Variants in KCNQ4 observed in about 807,000 individuals in gnomAD.
KCNQ4 encodes the protein potassium voltage-gated channel subfamily Q member 4.
KCNQ4 carries 31 observed loss-of-function variants against 72.6 expected under a neutral mutation model. That is an observed-to-expected ratio of 0.43 (90% confidence interval 0.32 to 0.58). The LOEUF is 0.58. Among genes scored for constraint, KCNQ4 ranks in the 20% least tolerant of loss-of-function variants. The pLI is 0.08. For synonymous variants in KCNQ4, 405 were observed against 403.7 expected, an observed-to-expected ratio of 1.00 and a Z score of -0.04; for missense variants, 869 against 962.6, an observed-to-expected ratio of 0.90 and a Z score of 1.29.
rs551769862 is a variant in KCNQ4 at position 40,784,804 on chromosome 1, G to T, written c.314+397G>T. Among the ~76,000 whole-genome samples the T allele has an allele frequency of 6.6e-6, 1 of 152,204 alleles. No homozygotes were observed. Among genetic ancestry groups the T allele is most frequent in the African/African-American group, 2.4e-5 (1 of 41,544 alleles). ...CTCCCTGTGTCCCAGACACAAAGAG[G>T]AACCCTTGGCTCCCACACGCTTCTG... On this transcript the variant is annotated intron_variant, in intron 1 of 13. Coordinates refer to ENST00000347132, the MANE Select transcript of KCNQ4 (RefSeq NM_004700.4). This position sits in a 1 kb window ranked among gnomAD's most constrained non-coding sequence, Gnocchi z 4.1.
chr1:40,814,264 G>C (rs1050740832), intron 1 of KCNQ4, among the ~76,000 whole-genome samples: 41 of 149,860 alleles, frequency 2.7e-4, no homozygotes, highest in African/African-American at 9.6e-4. Flanking sequence ...ATGTTGGCCA[G>C]GCTGGTCTGT....
At chr1:40,803,790 GTT>G (rs945751023) in intron 1 of KCNQ4, among the ~76,000 whole-genome samples, 10 of 152,202 alleles carry the variant, frequency 6.6e-5, no homozygotes, top group Admixed American at 1.3e-4. Context: ...TGGCCTGTGA[GTT>G]TGCATGCTGC....
At chr1:40,802,238 G>A (rs1373854741) in intron 1 of KCNQ4, among the ~76,000 whole-genome samples, 1 of 152,144 alleles carries the variant, frequency 6.6e-6, no homozygotes, top group African/African-American at 2.4e-5. Context: ...GGTGCTGTGA[G>A]GTGGAAGGGC....
chr1:40,838,074 C>CG (rs989571944), intron 13 of KCNQ4, among the ~76,000 whole-genome samples: 1 of 152,042 alleles, frequency 6.6e-6, no homozygotes, highest in Admixed American at 6.6e-5. Context: ...TCTCAGTTGT[C>CG]GCTGTAGCTC....
chr1:40,786,462 G>A (rs895789508), intron 1 of KCNQ4, among the ~76,000 whole-genome samples: 8 of 152,152 alleles, frequency 5.3e-5, no homozygotes, highest in Non-Finnish European at 8.8e-5. Flanking sequence ...AAATGCCCTC[G>A]CCAGGGCCGT....
intron 1 of KCNQ4, among the ~76,000 whole-genome samples, chr1:40,792,709 G>A (rs1386850192): frequency 1.3e-5 from 2 of 152,132 alleles, no homozygotes; most frequent in African/African-American, 2.4e-5. Context: ...GTGACCCATG[G>A]CCCAGCAGAG....
intron 1 of KCNQ4, among the ~76,000 whole-genome samples, chr1:40,796,290 C>T (rs905738110): frequency 2.0e-4 from 31 of 152,214 alleles, no homozygotes; most frequent in Non-Finnish European, 3.8e-4. Context: ...TCCCTCTCTG[C>T]TCTGGCTCTC....
In KCNQ4 at chr1:40,819,633, C is replaced by T. The variant is rs538267911; in HGVS notation, c.834+161C>T. Among the ~76,000 whole-genome samples the T allele has an allele frequency of 2.0e-5, 3 of 152,110 alleles. No homozygotes were observed. The South Asian group carries it at 6.2e-4, about 32-fold the overall frequency. ...CTGAGACCAGCCCCAATGCTAACCCCCCAACCTGCTCTGGTGGACCTGCCT... is the reference window on the plus strand; with the variant it reads ...CTGAGACCAGCCCCAATGCTAACCCTCCAACCTGCTCTGGTGGACCTGCCT... On this transcript the variant is annotated intron_variant, in intron 5 of 13. Transcript: ENST00000347132.
At chr1:40,820,833 G>A (rs1199600522) in intron 7 of KCNQ4, among the ~76,000 whole-genome samples, 6 of 152,224 alleles carry the variant, frequency 3.9e-5, no homozygotes, top group African/African-American at 1.4e-4. Flanking sequence ...GCCATGGCGT[G>A]TTGTGACTGT....
At position 40,838,360 on chromosome 1, in the gene KCNQ4, G is replaced by T. The variant is rs1325491212; in HGVS notation, c.1925G>T (p.Arg642Leu). 1 of 1,613,844 alleles carries T rather than the reference G, an allele frequency of 6.2e-7. No individual in the cohort carries two copies. The highest frequency in any genetic ancestry group is 8.5e-7 in the Non-Finnish European group (1 of 1,179,920). Residue 642 changes from arginine to leucine, a missense_variant, in exon 14 of 14, where the codon CGC (arginine) becomes CTC (leucine). Coordinates refer to ENST00000347132, the MANE Select transcript of KCNQ4 (RefSeq NM_004700.4). ...GACCTGCTGTTGGGCTTCTATTCGC[G>T]CTGCCTGCGCTCTGGCACCTCGGCC... ...KLDLLLGFYS[R>L]CLRSGTSASL...
chr1:40,821,598 A>T (rs1306517401), intron 7 of KCNQ4, among the ~76,000 whole-genome samples: 4 of 152,312 alleles, frequency 2.6e-5, no homozygotes, highest in Admixed American at 2.6e-4. Flanking sequence ...CTCCCCTCTC[A>T]GTCCTTAGTA....
chr1:40,813,571 G>A (rs1647991118), intron 1 of KCNQ4, among the ~76,000 whole-genome samples: 1 of 152,122 alleles, frequency 6.6e-6, no homozygotes, highest in South Asian at 2.1e-4. Context: ...GGTGTTTGGA[G>A]GTGTTGGGTT....
intron 1 of KCNQ4, among the ~76,000 whole-genome samples, chr1:40,808,824 T>C (rs1334448651): frequency 6.6e-6 from 1 of 152,198 alleles, no homozygotes; most frequent in African/African-American, 2.4e-5. Flanking sequence ...GGCTCTCTCA[T>C]CTTAAAAGAA....
rs1054519286 is a variant in KCNQ4 at position 40,823,447 on chromosome 1, A to G, written c.1131-650A>G. 2.6e-5 allele frequency among the ~76,000 whole-genome samples: 4 copies of G among 152,266 alleles called. 1 individual carries two copies. Among genetic ancestry groups the G allele is most frequent in the Middle Eastern group, 3.4e-3 (1 of 294 alleles). ...AAGATCTGGGGGTGGGGGTGGTCAG[A>G]TGGTCTAGGACCTCTGCCCAGAGGA... On this transcript the variant is annotated intron_variant, in intron 8 of 13. Transcript: ENST00000347132.
At chr1:40,831,352 C>A in intron 10 of KCNQ4, 48 bp downstream of exon 10, 2 of 1,481,376 alleles carry the variant, frequency 1.4e-6, no homozygotes, top group South Asian at 1.2e-5. Flanking sequence ...CTGAGGGTGG[C>A]AGGGCGGGGA....
At chr1:40,793,004 C>CTTTTTTTTTTTT (rs10549805) in intron 1 of KCNQ4, among the ~76,000 whole-genome samples, 1 of 109,076 alleles carries the variant, frequency 9.2e-6, no homozygotes. Flanking sequence ...TTCTTTCTTT[C>CTTTTTTTTTTTT]TTTTTTTTTT....
Position 40,784,280 on chromosome 1 carries a change from T to C in KCNQ4, c.187T>C (p.Ser63Pro), listed in dbSNP as rs761578330. 5 of 1,547,816 alleles carry C rather than the reference T, an allele frequency of 3.2e-6. No individual in the cohort carries two copies. The highest frequency in any genetic ancestry group is 2.5e-5 in the East Asian group (1 of 39,712). ...PPGAPLPGPG[S>P]GSGSACGQRS... ...GGGCGCGCCCCTCCCTGGGCCGGGC[T>C]CCGGCTCGGGCTCCGCCTGCGGCCA... is the stretch of plus-strand genomic sequence containing the variant. The change falls in exon 1 of 14, where the codon TCC becomes CCC. Residue 63 changes from serine to proline, a missense_variant. By Grantham distance (74) the Ser-to-Pro change is moderately conservative. Coordinates refer to ENST00000347132, the MANE Select transcript of KCNQ4 (RefSeq NM_004700.4). This position sits in a 1 kb window ranked among gnomAD's most constrained non-coding sequence, Gnocchi z 4.1.
chr1:40,828,455 TGGGG>T (rs1648546541), intron 9 of KCNQ4, among the ~76,000 whole-genome samples: 1 of 151,536 alleles, frequency 6.6e-6, no homozygotes. Flanking sequence ...GTCCCCTGAG[TGGGG>T]GAACTTGCTC....
At chr1:40,833,209 G>C (rs1558032135) in intron 11 of KCNQ4, 96 bp downstream of exon 11, 2 of 849,258 alleles carry the variant, frequency 2.4e-6, no homozygotes, top group African/African-American at 3.4e-5. Context: ...AGGAGTTTGA[G>C]ACCAGCCTGG....
Sources: allele counts gnomAD v4.1 joint callset (sites outside exome capture counted in the v4.1 genomes callset), GRCh38; gene constraint gnomAD v4.1.1; non-coding constraint Gnocchi (gnomAD v3.1); transcripts MANE v1.5; gene names NCBI Gene and HGNC (gene_info 2026-07-23, HGNC 2026-07-21).